Variants in CADM2 observed in about 807,000 individuals in gnomAD.
The protein encoded by CADM2 is immunoglobulin superfamily member 4D.
A neutral mutation model predicts 49.8 loss-of-function variants in CADM2; 12 were observed. The observed-to-expected ratio is 0.24, with a 90% CI of 0.15 to 0.39. The LOEUF (loss-of-function observed/expected upper bound fraction) is 0.39, where lower values mean the gene tolerates loss of function less well. Among genes scored for constraint, CADM2 ranks in the 10% least tolerant of loss-of-function variants. The pLI is 1.00. For missense variants in CADM2, 378 were observed against 492.3 expected (o/e 0.77, Z 2.20); for synonymous variants, 214 against 175.4 (o/e 1.22, Z -1.74).
chr3:85,435,197 G>A (rs1234182365), intron 1 of CADM2, among the ~76,000 whole-genome samples: 1 of 151,940 alleles, frequency 6.6e-6, no homozygotes, highest in Non-Finnish European at 1.5e-5. Flanking sequence ...AGGCCCCAGT[G>A]TGTGATGTTC....
chr3:85,705,088 G>A (rs1264840370), intron 1 of CADM2, among the ~76,000 whole-genome samples: 3 of 145,080 alleles, frequency 2.1e-5, no homozygotes, highest in Non-Finnish European at 4.5e-5. Flanking sequence ...GGATGGTCTC[G>A]ATCTCCTGAC....
At chr3:86,030,085 G>A (rs2107141429) in intron 8 of CADM2, among the ~76,000 whole-genome samples, 1 of 151,934 alleles carries the variant, frequency 6.6e-6, no homozygotes, top group Non-Finnish European at 1.5e-5. Context: ...GTATAGAGAG[G>A]TTTAATGAAT....
chr3:85,564,228 T>G (rs1375549), intron 1 of CADM2, among the ~76,000 whole-genome samples: 1 of 151,336 alleles, frequency 6.6e-6, no homozygotes, highest in Non-Finnish European at 1.5e-5. Flanking sequence ...AAAATACACG[T>G]AACATAAAAT....
intron 1 of CADM2, among the ~76,000 whole-genome samples, chr3:85,278,718 T>TTGTG (rs36208431): frequency 7.5e-4 from 109 of 144,550 alleles, no homozygotes; most frequent in Admixed American, 3.1e-3. Flanking sequence ...GCTGATGTTC[T>TTGTG]TGTGTGTGTG....
intron 8 of CADM2, among the ~76,000 whole-genome samples, chr3:86,033,855 A>C (rs9817552): frequency 0.044 from 6,483 of 147,918 alleles, 465 homozygotes; most frequent in African/African-American, 0.15. Flanking sequence ...TTATATATTT[A>C]TATATAACAA....
intron 1 of CADM2, among the ~76,000 whole-genome samples, chr3:85,514,824 A>G (rs984936547): frequency 6.6e-6 from 1 of 151,972 alleles, no homozygotes; most frequent in Non-Finnish European, 1.5e-5. Flanking sequence ...ATCCTTTCCT[A>G]TTTCGGTAAG....
chr3:85,343,123 A>C (rs2030111245), intron 1 of CADM2, among the ~76,000 whole-genome samples: 1 of 152,164 alleles, frequency 6.6e-6, no homozygotes, highest in East Asian at 1.9e-4. Context: ...ACTGACATCT[A>C]GTGGGTAGGG....
chr3:85,111,682 T>A (rs902716534), intron 1 of CADM2, among the ~76,000 whole-genome samples: 24 of 151,742 alleles, frequency 1.6e-4, no homozygotes, highest in African/African-American at 5.8e-4. Context: ...GACCTACTAT[T>A]TGATAGCACA....
intron 1 of CADM2, among the ~76,000 whole-genome samples, chr3:85,043,899 T>C (rs2035546702): frequency 6.6e-6 from 1 of 152,142 alleles, no homozygotes; most frequent in Admixed American, 6.6e-5. Flanking sequence ...TTCTAATTTT[T>C]TGAGTACCAG....
chr3:85,408,560 C>A (rs1294177153), intron 1 of CADM2, among the ~76,000 whole-genome samples: 1 of 151,966 alleles, frequency 6.6e-6, no homozygotes. Flanking sequence ...TTTTTGCCAC[C>A]CAATGAGTTA....
chr3:85,886,977 T>C (rs1331732633), intron 5 of CADM2, among the ~76,000 whole-genome samples: 1 of 152,234 alleles, frequency 6.6e-6, no homozygotes, highest in Non-Finnish European at 1.5e-5. Context: ...ATGATGATTA[T>C]TAAAACATAT....
chr3:85,459,034 G>A (rs1453627461), intron 1 of CADM2, among the ~76,000 whole-genome samples: 1 of 152,150 alleles, frequency 6.6e-6, no homozygotes, highest in African/African-American at 2.4e-5. Context: ...ATTATATAGT[G>A]TTATTGTAGA....
At chr3:85,679,358 G>A (rs910662002) in intron 1 of CADM2, among the ~76,000 whole-genome samples, 3 of 152,130 alleles carry the variant, frequency 2.0e-5, no homozygotes, top group Admixed American at 6.5e-5. Context: ...AGGGGGAATG[G>A]ACTAGAGTGA....
intron 1 of CADM2, among the ~76,000 whole-genome samples, chr3:85,261,618 G>A (rs1236568309): frequency 2.0e-5 from 3 of 151,910 alleles, no homozygotes; most frequent in Middle Eastern, 3.2e-3. Context: ...AAGATAGTAA[G>A]TTAATGTTAA....
At chr3:85,378,643 T>C (rs1442841762) in intron 1 of CADM2, among the ~76,000 whole-genome samples, 1 of 151,940 alleles carries the variant, frequency 6.6e-6, no homozygotes, top group African/African-American at 2.4e-5. Flanking sequence ...TCAGCGAAAA[T>C]GAAGAAAACT....
intron 1 of CADM2, among the ~76,000 whole-genome samples, chr3:85,660,901 T>C (rs1261370389): frequency 4.1e-5 from 6 of 146,770 alleles, no homozygotes; most frequent in African/African-American, 1.5e-4. Context: ...TATTATAAAC[T>C]ATAATCAAAC....
chr3:85,921,321 C>A (rs1015564265), intron 6 of CADM2, among the ~76,000 whole-genome samples: 1 of 151,286 alleles, frequency 6.6e-6, no homozygotes, highest in African/African-American at 2.4e-5. Flanking sequence ...CACACACATA[C>A]ACACACACAC....
At chr3:85,445,210 T>C (rs1354317302) in intron 1 of CADM2, among the ~76,000 whole-genome samples, 2 of 152,056 alleles carry the variant, frequency 1.3e-5, no homozygotes, top group Non-Finnish European at 2.9e-5. Context: ...AAAATGAAAA[T>C]TTAAAACACC....
chr3:85,729,233 A>C (rs1170696814), intron 2 of CADM2, among the ~76,000 whole-genome samples: 2 of 151,784 alleles, frequency 1.3e-5, no homozygotes, highest in Non-Finnish European at 2.9e-5. Context: ...TTCTCTCTCC[A>C]TTTATATCTT....
Sources: allele counts gnomAD v4.1 joint callset (sites outside exome capture counted in the v4.1 genomes callset), GRCh38; gene constraint gnomAD v4.1.1; transcripts MANE v1.5; gene names NCBI Gene and HGNC (gene_info 2026-07-23, HGNC 2026-07-21).